The following TRMT44 variants were observed in gnomAD, a reference collection of about 807,000 sequenced individuals.
TRMT44 encodes the protein probable tRNA (uracil-O(2)-)-methyltransferase.
A neutral mutation model predicts 77.3 loss-of-function variants in TRMT44; 78 were observed. The observed-to-expected ratio is 1.01, with a 90% CI of 0.84 to 1.22. The LOEUF is 1.22. Among genes scored for constraint, TRMT44 ranks in the 50% most tolerant of loss-of-function variants. The pLI is 0.00. For missense variants in TRMT44, 1,090 were observed against 964.4 expected (o/e 1.13, Z -1.73); for synonymous variants, 391 against 383.3 (o/e 1.02, Z -0.23).
downstream of TRMT44, chr4:8,478,739 G>C (rs1727511007): frequency 6.6e-6 from 1 of 152,266 alleles, no homozygotes; most frequent in African/African-American, 2.4e-5. Flanking sequence ...GCATGAGGGG[G>C]AATCTCGCCA....
At chr4:8,475,102 C>T (rs1226255099) in intron 10 of TRMT44, among the ~76,000 whole-genome samples, 1 of 152,164 alleles carries the variant, frequency 6.6e-6, no homozygotes, top group Non-Finnish European at 1.5e-5. Context: ...GGAGGGGCTC[C>T]GGTTGGGAGG....
intron 3 of TRMT44, 61 bp downstream of exon 3, chr4:8,449,949 CTTT>C (rs745915221): frequency 6.8e-3 from 1,613 of 236,608 alleles, no homozygotes; most frequent in South Asian, 0.01. Context: ...CTTTTCTTTT[CTTT>C]TTTTTTTTTT....
rs1360551526 is a variant in TRMT44, at chr4:8,467,960, C to T, written c.1541C>T (p.Ala514Val). 6.2e-7 allele frequency: 1 copy of T among 1,613,840 alleles called. No individual in the cohort carries two copies. Among genetic ancestry groups the T allele is most frequent in the Non-Finnish European group, 8.5e-7 (1 of 1,179,794 alleles). ...AGAACATACCCTTCCTCCAGAGAAG[C>T]TTCCGTGGATGAAAAGAGGACTCAG... is the stretch of plus-strand genomic sequence containing the variant. ...KSRTYPSSRE[A>V]SVDEKRTQYI... Residue 514 changes from alanine (A) to valine (V), a missense_variant, in exon 9 of 11, where the codon GCT becomes GTT. Ala to Val is a moderately conservative substitution (Grantham distance 64). Coordinates refer to ENST00000389737, the MANE Select transcript of TRMT44 (RefSeq NM_152544.3).
At chr4:8,465,250 A>G (rs780762963) in intron 7 of TRMT44, 128 bp from the exon 8 acceptor site, 2 of 867,272 alleles carry the variant, frequency 2.3e-6, no homozygotes, top group African/African-American at 3.4e-5. Context: ...AAAAAGAAAC[A>G]ATATTGGCCA....
chr4:8,457,020 C>A (rs888159292), intron 6 of TRMT44, among the ~76,000 whole-genome samples: 1 of 12,122 alleles, frequency 8.2e-5, no homozygotes, highest in Non-Finnish European at 1.4e-4. Flanking sequence ...GACACCCGCC[C>A]CCCCCCCCCA....
In TRMT44 at chr4:8,486,171, G is replaced by A. The variant is rs548465863; in HGVS notation, n.3891+6638G>A. ...TTTCCAGTGGGGTCCCGCACAGATG[G>A]GACACAGCTTAGGGGGAATCTCGGG... On this transcript the variant is annotated intron_variant and non_coding_transcript_variant, in intron 2 of 2. Coordinates refer to the TRMT44 transcript ENST00000511366. Among the ~76,000 whole-genome samples the A allele has an allele frequency of 2.0e-5, 3 of 152,316 alleles. No homozygotes were observed. The East Asian group carries it at 5.8e-4, about 29-fold the overall frequency.
intron 2 of TRMT44, among the ~76,000 whole-genome samples, chr4:8,486,520 A>G (rs1297278271): frequency 1.3e-5 from 2 of 151,456 alleles, no homozygotes; most frequent in African/African-American, 4.9e-5. Context: ...TTGGATTTTT[A>G]TTTAATTTTT....
the TRMT44 span, among the ~76,000 whole-genome samples, chr4:8,513,316 C>G: frequency 6.6e-6 from 1 of 152,174 alleles, no homozygotes. Flanking sequence ...TGGAGAAACT[C>G]CCATTTTTTA....
At chr4:8,475,626 G>A (rs1249677969) in intron 10 of TRMT44, 146 bp from the exon 11 acceptor site, 3 of 715,064 alleles carry the variant, frequency 4.2e-6, no homozygotes, top group Non-Finnish European at 7.0e-6. Context: ...GACTCACTGT[G>A]ACCAGCAGGA....
chr4:8,462,269 G>C (rs1022404755), intron 6 of TRMT44, among the ~76,000 whole-genome samples: 1 of 152,158 alleles, frequency 6.6e-6, no homozygotes, highest in African/African-American at 2.4e-5. Flanking sequence ...AAATTAGCCA[G>C]GTGAGATGGC....
chr4:8,450,023 GTGGT>G, intron 3 of TRMT44, 135 bp downstream of exon 3: 1 of 397,210 alleles, frequency 2.5e-6, no homozygotes, highest in Non-Finnish European at 4.3e-6. Flanking sequence ...CCAGAGTGAA[GTGGT>G]GTGATCTTGG....
chr4:8,497,161 G>GAA (rs35917442), downstream of TRMT44, among the ~76,000 whole-genome samples: 181 of 144,044 alleles, frequency 1.3e-3, no homozygotes, highest in African/African-American at 2.1e-3. Context: ...AAGGTTGAGG[G>GAA]AAAAAAAAAA....
chr4:8,515,790 C>T, the TRMT44 span, among the ~76,000 whole-genome samples: 3 of 152,222 alleles, frequency 2.0e-5, no homozygotes, highest in Admixed American at 2.0e-4. Flanking sequence ...CGTTCCCTCC[C>T]CAGTGCGGGG....
downstream of TRMT44, among the ~76,000 whole-genome samples, chr4:8,493,905 G>C (rs1728083671): frequency 6.6e-6 from 1 of 150,618 alleles, no homozygotes; most frequent in African/African-American, 2.5e-5. Flanking sequence ...TCGTTTTCAG[G>C]TCAGTCACTG....
the TRMT44 span, among the ~76,000 whole-genome samples, chr4:8,499,230 A>C: frequency 6.6e-6 from 1 of 152,064 alleles, no homozygotes; most frequent in East Asian, 1.9e-4. Context: ...CCCATCCGGC[A>C]CAGGAGACTT....
chr4:8,502,111 C>G, the TRMT44 span, among the ~76,000 whole-genome samples: 4 of 152,198 alleles, frequency 2.6e-5, no homozygotes, highest in Non-Finnish European at 4.4e-5. Context: ...GTGACATTCT[C>G]CAAAATGGTT....
intron 2 of TRMT44, among the ~76,000 whole-genome samples, chr4:8,483,088 C>T (rs1488211222): frequency 6.6e-6 from 1 of 151,956 alleles, no homozygotes; most frequent in East Asian, 1.9e-4. Flanking sequence ...TGGTGATGGC[C>T]TGGATACAGT....
chr4:8,498,917 G>A, the TRMT44 span, among the ~76,000 whole-genome samples: 22 of 152,178 alleles, frequency 1.4e-4, no homozygotes, highest in Admixed American at 8.5e-4. The surrounding 1 kb of genome is among the most constrained non-coding windows in gnomAD (Gnocchi z 4.3). Flanking sequence ...TGGTCCCTGC[G>A]TGGTCCAGTT....
chr4:8,460,591 C>G (rs1055929413), intron 6 of TRMT44, among the ~76,000 whole-genome samples: 1 of 151,478 alleles, frequency 6.6e-6, no homozygotes, highest in Non-Finnish European at 1.5e-5. Flanking sequence ...AGAACTATCA[C>G]CCAGGCTGGA....
Sources: allele counts gnomAD v4.1 joint callset (sites outside exome capture counted in the v4.1 genomes callset), GRCh38; gene constraint gnomAD v4.1.1; non-coding constraint Gnocchi (gnomAD v3.1); transcripts MANE v1.5; gene names NCBI Gene and HGNC (gene_info 2026-07-23, HGNC 2026-07-21).